Variants in CDYL observed in about 807,000 individuals in gnomAD.
CDYL encodes chromodomain Y-like protein.
In CDYL, 8 loss-of-function variants were observed where a neutral mutation model predicts 47.3. That is an observed-to-expected ratio of 0.17 (90% CI 0.10 to 0.31). CDYL has a LOEUF of 0.31. Ranked by LOEUF, CDYL falls within the 10% of genes least tolerant of loss-of-function variation. The probability of loss-of-function intolerance (pLI) is 1.00; values close to 1 mark genes in which losing one functional copy is unlikely to be tolerated. For missense variants in CDYL, 471 were observed against 701.4 expected (o/e 0.67, Z 3.71); for synonymous variants, 266 against 265.0 (o/e 1.00, Z -0.04).
At chr6:4,741,825 G>A (rs1757801821) in intron 3 of CDYL, among the ~76,000 whole-genome samples, 1 of 152,132 alleles carries the variant, frequency 6.6e-6, no homozygotes, top group Non-Finnish European at 1.5e-5. Flanking sequence ...CTGTAGACTG[G>A]TCCTCTGGCA....
chr6:4,754,045 G>C (rs1320651733), intron 3 of CDYL, among the ~76,000 whole-genome samples: 2 of 152,142 alleles, frequency 1.3e-5, no homozygotes, highest in Non-Finnish European at 1.5e-5. Context: ...TGAGGTGGGA[G>C]GATCATTTGA....
chr6:4,828,607 G>A (rs963852571), intron 1 of CDYL, among the ~76,000 whole-genome samples: 1 of 151,922 alleles, frequency 6.6e-6, no homozygotes, highest in Non-Finnish European at 1.5e-5. Flanking sequence ...GGATCTTTTT[G>A]AGCTTATTCG....
intron 1 of CDYL, among the ~76,000 whole-genome samples, chr6:4,842,685 A>G (rs978743825): frequency 6.6e-6 from 1 of 152,144 alleles, no homozygotes; most frequent in Non-Finnish European, 1.5e-5. Flanking sequence ...CCTCTTCACA[A>G]CAGATACTAG....
At chr6:4,900,806 T>G (rs1288994445) in intron 2 of CDYL, among the ~76,000 whole-genome samples, 12 of 90,078 alleles carry the variant, frequency 1.3e-4, no homozygotes, top group African/African-American at 4.9e-4. Flanking sequence ...TATATATATA[T>G]ATATATATAT....
rs560903243 is a variant in CDYL, at chr6:4,909,537, C to T, written c.691+17158C>T. ...ACTGCCCTGCTTAAGGGTGTGTCTT[C>T]GCTTTCTGGTGTACTTGAGATAAAA... On this transcript the variant is annotated intron_variant, in intron 2 of 6. Coordinates refer to ENST00000397588, the MANE Select transcript of CDYL (RefSeq NM_004824.4). Among the ~76,000 whole-genome samples the T allele has an allele frequency of 3.9e-5, 6 of 152,266 alleles. No homozygotes were observed. The South Asian group carries it at 8.3e-4, about 21-fold the overall frequency.
chr6:4,853,618 T>C (rs1183512648), intron 1 of CDYL, among the ~76,000 whole-genome samples: 1 of 152,250 alleles, frequency 6.6e-6, no homozygotes, highest in African/African-American at 2.4e-5. Context: ...GTTTTTCTTT[T>C]AGATTACTGC....
At chr6:4,901,987 G>T (rs570287669) in intron 2 of CDYL, among the ~76,000 whole-genome samples, 19 of 152,154 alleles carry the variant, frequency 1.2e-4, no homozygotes, top group Non-Finnish European at 2.5e-4. Context: ...AGACAGAAAA[G>T]GGGCTTCTCT....
chr6:4,813,714 T>C (rs747922990), intron 1 of CDYL, among the ~76,000 whole-genome samples: 48 of 152,214 alleles, frequency 3.2e-4, no homozygotes, highest in Non-Finnish European at 7.1e-4. Flanking sequence ...TTGGTGGAAT[T>C]TGCCTCAAGT....
At chr6:4,939,456 T>G (rs1758298646) in intron 4 of CDYL, among the ~76,000 whole-genome samples, 1 of 152,242 alleles carries the variant, frequency 6.6e-6, no homozygotes, top group Non-Finnish European at 1.5e-5. Flanking sequence ...TTAATCATTT[T>G]CAGAATTACT....
chr6:4,792,107 T>C (rs921353249), intron 1 of CDYL, among the ~76,000 whole-genome samples: 4 of 150,898 alleles, frequency 2.7e-5, no homozygotes, highest in African/African-American at 9.8e-5. Flanking sequence ...TTAGCCAGGA[T>C]GGTCTCGATC....
chr6:4,851,481 G>A (rs1234132313), intron 1 of CDYL, among the ~76,000 whole-genome samples: 1 of 152,124 alleles, frequency 6.6e-6, no homozygotes, highest in Non-Finnish European at 1.5e-5. Context: ...TGTGGCAGGC[G>A]ACATCTGGGA....
intron 1 of CDYL, among the ~76,000 whole-genome samples, chr6:4,875,710 A>G (rs1467308267): frequency 2.0e-5 from 3 of 152,188 alleles, no homozygotes; most frequent in Admixed American, 1.3e-4. Context: ...GAGAATGAAC[A>G]CTGATTTTTT....
At chr6:4,748,695 A>G (rs1263806875) in intron 3 of CDYL, among the ~76,000 whole-genome samples, 1 of 151,946 alleles carries the variant, frequency 6.6e-6, no homozygotes, top group Non-Finnish European at 1.5e-5. Flanking sequence ...AAATTTTAGT[A>G]AAAAAAAATA....
chr6:4,743,276 T>A (rs1757829935), intron 3 of CDYL, among the ~76,000 whole-genome samples: 1 of 152,210 alleles, frequency 6.6e-6, no homozygotes, highest in Non-Finnish European at 1.5e-5. Context: ...CTGCCAAGGC[T>A]GGATGGGCTT....
intron 2 of CDYL, among the ~76,000 whole-genome samples, chr6:4,895,808 T>C (rs1762266082): frequency 6.6e-6 from 1 of 152,186 alleles, no homozygotes; most frequent in Non-Finnish European, 1.5e-5. Flanking sequence ...ATATTTCTTA[T>C]ATAAGGAAGA....
chr6:4,819,962 C>A (rs932620308), intron 1 of CDYL, among the ~76,000 whole-genome samples: 1 of 152,146 alleles, frequency 6.6e-6, no homozygotes, highest in Non-Finnish European at 1.5e-5. Context: ...AGTGGAAGGT[C>A]TGGTGGTGAC....
intron 1 of CDYL, among the ~76,000 whole-genome samples, chr6:4,858,274 C>T (rs1001441979): frequency 6.6e-6 from 1 of 152,144 alleles, no homozygotes; most frequent in Non-Finnish European, 1.5e-5. Flanking sequence ...AAGGGAAACT[C>T]GGAAAAATCT....
At chr6:4,895,694 C>T (rs1349719505) in intron 2 of CDYL, among the ~76,000 whole-genome samples, 1 of 152,052 alleles carries the variant, frequency 6.6e-6, no homozygotes, top group Non-Finnish European at 1.5e-5. Context: ...TGCTGGTTCC[C>T]TCTCGTGTGT....
chr6:4,836,500 C>A (rs986717793), intron 1 of CDYL, among the ~76,000 whole-genome samples: 1 of 152,158 alleles, frequency 6.6e-6, no homozygotes, highest in African/African-American at 2.4e-5. Context: ...CACTGTGTGT[C>A]CATTCGAGAG....
Sources: gnomAD v4.1 joint callset for allele counts (sites outside exome capture counted in the v4.1 genomes callset) on GRCh38, gnomAD v4.1.1 for gene constraint, MANE v1.5 for transcripts, NCBI Gene and HGNC (gene_info 2026-07-23, HGNC 2026-07-21) for gene names.